CADPS: variants seen among roughly 807,000 people sequenced by gnomAD.
CADPS encodes the protein calcium dependent secretion activator.
Under a neutral mutation model 167.3 loss-of-function variants are expected in CADPS, and 57 were observed. That is an observed-to-expected ratio of 0.34 (90% confidence interval 0.28 to 0.42). CADPS has a LOEUF of 0.42. Among genes scored for constraint, CADPS ranks in the 20% least tolerant of loss-of-function variants. The pLI is 1.00. For synonymous variants in CADPS, 676 were observed against 635.3 expected, an observed-to-expected ratio of 1.06 and a Z score of -0.96; for missense variants, 1,414 against 1,738.1, an observed-to-expected ratio of 0.81 and a Z score of 3.32.
At chr3:62,649,843 T>A (rs1251370318) in intron 5 of CADPS, among the ~76,000 whole-genome samples, 2 of 152,114 alleles carry the variant, frequency 1.3e-5, no homozygotes, top group Non-Finnish European at 2.9e-5. Flanking sequence ...TGAGCCGCCA[T>A]GCCAAGCCTG....
At chr3:62,839,354 C>A (rs890206393) in intron 1 of CADPS, among the ~76,000 whole-genome samples, 2 of 151,994 alleles carry the variant, frequency 1.3e-5, no homozygotes. Context: ...CCACGCCTGG[C>A]TATTTTTTGT....
chr3:62,770,997 C>T (rs1413806052), intron 1 of CADPS, among the ~76,000 whole-genome samples: 2 of 152,178 alleles, frequency 1.3e-5, no homozygotes, highest in Non-Finnish European at 2.9e-5. Context: ...TCCCATTTTA[C>T]AGGTATACCA....
chr3:62,672,024 C>T lies in CADPS; in HGVS notation c.889-9630G>A, dbSNP rs191375721. 9.9e-5 allele frequency among the ~76,000 whole-genome samples: 15 copies of T among 152,274 alleles called. No homozygotes were observed. In the East Asian group the frequency reaches 2.7e-3, roughly 27 times the overall value. On this transcript the variant is annotated intron_variant, in intron 3 of 29. Coordinates refer to ENST00000383710, the MANE Select transcript of CADPS (RefSeq NM_003716.4). Reference sequence around the variant, plus strand: ...CTCGATCTCTTGACCTCGTGATCCACCCACCTCAGCCTCTCAAAGTGCTGG... The same window carrying T: ...CTCGATCTCTTGACCTCGTGATCCATCCACCTCAGCCTCTCAAAGTGCTGG...
chr3:62,446,823 G>A lies in CADPS; in HGVS notation c.3637-1026C>T, dbSNP rs1012802232. 8.5e-5 allele frequency among the ~76,000 whole-genome samples: 13 copies of A among 152,158 alleles called. No individual in the cohort carries two copies. Among genetic ancestry groups the A allele is most frequent in the Admixed American group, 6.5e-4 (10 of 15,276 alleles). ...TTTCTCTAGGCACAATTAAGACTAA[G>A]GAGCTACATTTGGGGTCAGAGAGGG... is the stretch of plus-strand genomic sequence containing the variant. On this transcript the variant is annotated intron_variant, in intron 26 of 29. Transcript: ENST00000383710. This position sits in a 1 kb window ranked among gnomAD's most constrained non-coding sequence, Gnocchi z 4.9.
At chr3:62,622,194 C>T in intron 6 of CADPS, among the ~76,000 whole-genome samples, 1 of 152,048 alleles carries the variant, frequency 6.6e-6, no homozygotes, top group Non-Finnish European at 1.5e-5. Flanking sequence ...CTGAGTGGGC[C>T]CTCCTGGTAT....
chr3:62,833,595 G>T (rs1269271833), intron 1 of CADPS, among the ~76,000 whole-genome samples: 1 of 151,876 alleles, frequency 6.6e-6, no homozygotes, highest in Non-Finnish European at 1.5e-5. Flanking sequence ...AATGTTCTGG[G>T]GTTTACACTG....
intron 23 of CADPS, among the ~76,000 whole-genome samples, chr3:62,475,598 A>AAAAC (rs2061198421): frequency 2.0e-5 from 3 of 148,738 alleles, no homozygotes; most frequent in African/African-American, 7.5e-5. Context: ...AAAAAAAAAA[A>AAAAC]AAAAAAAAAA....
intron 6 of CADPS, among the ~76,000 whole-genome samples, chr3:62,623,831 C>A (rs889051547): frequency 2.6e-5 from 4 of 152,058 alleles, no homozygotes; most frequent in Admixed American, 2.6e-4. Flanking sequence ...AATTAAAATG[C>A]TTTGATATCA....
chr3:62,828,270 A>G (rs547561568), intron 1 of CADPS, among the ~76,000 whole-genome samples: 1 of 152,192 alleles, frequency 6.6e-6, no homozygotes, highest in Non-Finnish European at 1.5e-5. Context: ...AGGGCTCCAG[A>G]TGGCAATTCC....
At chr3:62,766,907 C>A (rs577155614) in intron 1 of CADPS, among the ~76,000 whole-genome samples, 225 of 152,246 alleles carry the variant, frequency 1.5e-3, no homozygotes, top group African/African-American at 5.3e-3. Flanking sequence ...AAATTTGTTA[C>A]ATGCGGTGTC....
chr3:62,743,160 T>C (rs569288508), intron 3 of CADPS, among the ~76,000 whole-genome samples: 173 of 152,286 alleles, frequency 1.1e-3, no homozygotes, highest in African/African-American at 4.0e-3. Flanking sequence ...AAGGAATGCT[T>C]TTGGGTGGAA....
chr3:62,697,886 C>A (rs2080633209), intron 3 of CADPS, among the ~76,000 whole-genome samples: 1 of 151,932 alleles, frequency 6.6e-6, no homozygotes, highest in Non-Finnish European at 1.5e-5. Flanking sequence ...TGTTTGTTGG[C>A]CATTTGTATA....
chr3:62,403,050 T>C (rs529678189), intron 29 of CADPS, 31 bp downstream of exon 29: 1 of 1,378,116 alleles, frequency 7.3e-7, no homozygotes, highest in East Asian at 2.3e-5. Context: ...GTAAGCTATT[T>C]GCAAAGAAGA....
At chr3:62,689,876 C>T (rs910310416) in intron 3 of CADPS, among the ~76,000 whole-genome samples, 3 of 151,842 alleles carry the variant, frequency 2.0e-5, no homozygotes, top group African/African-American at 7.3e-5. Flanking sequence ...TGAGGGGGGG[C>T]GGCGTTCTAG....
intron 28 of CADPS, among the ~76,000 whole-genome samples, chr3:62,422,972 AC>A (rs2051776836): frequency 1.3e-5 from 2 of 152,130 alleles, no homozygotes; most frequent in African/African-American, 4.8e-5. Flanking sequence ...CCAACATTTT[AC>A]CCCCCAAATA....
At chr3:62,756,279 C>T (rs1353779629) in intron 2 of CADPS, among the ~76,000 whole-genome samples, 1 of 152,136 alleles carries the variant, frequency 6.6e-6, no homozygotes, top group Non-Finnish European at 1.5e-5. Flanking sequence ...GTAGGCCAGG[C>T]TGGTCTCCAA....
intron 1 of CADPS, among the ~76,000 whole-genome samples, chr3:62,793,158 T>C (rs1231484847): frequency 6.6e-6 from 1 of 152,186 alleles, no homozygotes; most frequent in African/African-American, 2.4e-5. Context: ...TTGCTCAGCT[T>C]TCAGACCAAA....
At chr3:62,476,994 A>G (rs1251516650) in intron 23 of CADPS, among the ~76,000 whole-genome samples, 1 of 152,174 alleles carries the variant, frequency 6.6e-6, no homozygotes, top group African/African-American at 2.4e-5. Context: ...AGAATAAAAG[A>G]GCAATACTAA....
intron 28 of CADPS, among the ~76,000 whole-genome samples, chr3:62,405,177 G>A (rs1707990934): frequency 1.3e-5 from 2 of 148,680 alleles, no homozygotes; most frequent in Non-Finnish European, 3.0e-5. Flanking sequence ...TGAGAACTAT[G>A]ATGAACCTCC....
Sources: allele counts gnomAD v4.1 joint callset (sites outside exome capture counted in the v4.1 genomes callset), GRCh38; gene constraint gnomAD v4.1.1; non-coding constraint Gnocchi (gnomAD v3.1); transcripts MANE v1.5; gene names NCBI Gene and HGNC (gene_info 2026-07-23, HGNC 2026-07-21).